The following ZCCHC4 variants were observed in gnomAD, a reference collection of about 807,000 sequenced individuals.
ZCCHC4 encodes rRNA N(6)-adenosine-methyltransferase ZCCHC4.
ZCCHC4 carries 54 observed loss-of-function variants against 67.7 expected under a neutral mutation model. The ratio of observed to expected loss-of-function variants is 0.80; its 90% CI spans 0.64 to 1.00. ZCCHC4 has a LOEUF of 1.00. Among genes scored for constraint, ZCCHC4 ranks in the 50% least tolerant of loss-of-function variants. The pLI, the probability that ZCCHC4 is intolerant of heterozygous loss-of-function variation, is 0.00. For missense variants in ZCCHC4, 609 were observed against 617.0 expected (o/e 0.99, Z 0.14); for synonymous variants, 198 against 213.5 (o/e 0.93, Z 0.63).
intron 10 of ZCCHC4, among the ~76,000 whole-genome samples, chr4:25,362,917 T>C (rs937187078): frequency 1.3e-5 from 2 of 152,150 alleles, no homozygotes; most frequent in African/African-American, 4.8e-5. Flanking sequence ...AGATTCCCCC[T>C]ATGTCCCCTG....
chr4:25,368,935 T>G, intron 12 of ZCCHC4, 94 bp from the exon 13 acceptor site: 2 of 1,394,012 alleles, frequency 1.4e-6, no homozygotes, highest in Non-Finnish European at 1.9e-6. Context: ...CTTCTTCTAT[T>G]TTCTTATTTG....
At chr4:25,318,344 T>G (rs1407128531) in intron 3 of ZCCHC4, among the ~76,000 whole-genome samples, 1 of 127,532 alleles carries the variant, frequency 7.8e-6, no homozygotes, top group Non-Finnish European at 1.6e-5. Flanking sequence ...TTTTTCACTC[T>G]CTCTCTTTTT....
chr4:25,345,995 TGTTCCTGCTG>T (rs1317330639), intron 6 of ZCCHC4, among the ~76,000 whole-genome samples: 2 of 152,196 alleles, frequency 1.3e-5, no homozygotes, highest in African/African-American at 4.8e-5. Flanking sequence ...AGGTCCATGC[TGTTCCTGCTG>T]GTTTCTGCTG....
intron 3 of ZCCHC4, among the ~76,000 whole-genome samples, chr4:25,332,028 C>T (rs187039617): frequency 6.6e-6 from 1 of 152,298 alleles, no homozygotes; most frequent in African/African-American, 2.4e-5. Flanking sequence ...TATGACTAGG[C>T]CACATGTGAT....
chr4:25,353,853 G>A (rs1041262194), intron 8 of ZCCHC4, among the ~76,000 whole-genome samples: 5 of 152,062 alleles, frequency 3.3e-5, no homozygotes, highest in African/African-American at 4.8e-5. Flanking sequence ...TCTTGCTGTC[G>A]GCATTGTCAT....
intron 6 of ZCCHC4, among the ~76,000 whole-genome samples, chr4:25,347,123 C>A (rs1048061840): frequency 1.3e-5 from 2 of 152,086 alleles, no homozygotes; most frequent in African/African-American, 2.4e-5. Flanking sequence ...AGGGCTGTGT[C>A]GTAGTAAATG....
chr4:25,323,642 C>T (rs13128106), intron 3 of ZCCHC4, among the ~76,000 whole-genome samples: 11,761 of 152,194 alleles, frequency 0.077, 495 homozygotes, highest in South Asian at 0.1. Context: ...AAGATGTCAA[C>T]TGGGACTGTC....
In ZCCHC4 at chr4:25,314,180, G is replaced by T; in HGVS notation, c.246+16G>T. On this transcript the variant is annotated intron_variant, in intron 2 of 12. Coordinates refer to ENST00000302874, the MANE Select transcript of ZCCHC4 (RefSeq NM_024936.3). ...AGATGAAAAGGTATATCAACTTTTTGGATATTTATTTTTTATTTTTGGTAT... is the reference window on the plus strand; with the variant it reads ...AGATGAAAAGGTATATCAACTTTTTTGATATTTATTTTTTATTTTTGGTAT... 1 of 1,521,158 alleles carries T rather than the reference G, an allele frequency of 6.6e-7. No individual in the cohort carries two copies. Among genetic ancestry groups the T allele is most frequent in the South Asian group, 1.2e-5 (1 of 84,670 alleles). The allele number at this position is 1,521,158 out of a possible 1,614,324, so 94.2% of individuals were successfully genotyped here.
chr4:25,322,903 G>A (rs1037616634), intron 3 of ZCCHC4, among the ~76,000 whole-genome samples: 1 of 152,164 alleles, frequency 6.6e-6, no homozygotes, highest in Non-Finnish European at 1.5e-5. Context: ...GTAGAATCAA[G>A]TTGTTCTATG....
chr4:25,348,940 G>A (rs1720152774), intron 6 of ZCCHC4, among the ~76,000 whole-genome samples: 1 of 152,164 alleles, frequency 6.6e-6, no homozygotes, highest in African/African-American at 2.4e-5. Flanking sequence ...GACCAGATGC[G>A]CTTTGTCGTT....
At chr4:25,358,683 G>A (rs765860712) in intron 8 of ZCCHC4, among the ~76,000 whole-genome samples, 39 of 152,214 alleles carry the variant, frequency 2.6e-4, no homozygotes, top group Non-Finnish European at 4.0e-4. Flanking sequence ...CTTTCCAGCC[G>A]CAGCATGACT....
At chr4:25,362,611 G>A (rs912133226) in intron 10 of ZCCHC4, among the ~76,000 whole-genome samples, 3 of 152,160 alleles carry the variant, frequency 2.0e-5, no homozygotes, top group Non-Finnish European at 4.4e-5. Context: ...AAATTATGGT[G>A]TTTCAAATAA....
In ZCCHC4 at chr4:25,333,385, C is replaced by A. The variant is rs373321070; in HGVS notation, c.532C>A (p.Arg178=). The A allele has an allele frequency of 2.0e-5, 33 of 1,614,084 alleles. No homozygotes were observed. In the East Asian group the frequency reaches 7.1e-4, roughly 35 times the overall value. The change falls in exon 4 of 13, where the codon CGG becomes AGG. Residue 178 remains arginine (R), a synonymous_variant. Transcript: ENST00000302874. ...KTNAQYLFAD[R]SCQFLVDLLS... is the part of the protein sequence containing the mutation. ...AAATGCCCAGTATCTGTTTGCTGAT[C>A]GGAGCTGTCAGTTCTTGGTAGACTT...
At chr4:25,349,749 G>A in intron 7 of ZCCHC4, 107 bp downstream of exon 7, 1 of 1,183,896 alleles carries the variant, frequency 8.4e-7, no homozygotes. Context: ...TACATGTCTT[G>A]AGTTCTCTTT....
chr4:25,314,030 T>C lies in ZCCHC4; in HGVS notation c.128-16T>C. 6.8e-7 allele frequency: 1 copy of C among 1,474,426 alleles called. No individual in the cohort carries two copies. Among genetic ancestry groups the C allele is most frequent in the Non-Finnish European group, 9.2e-7 (1 of 1,084,564 alleles). 91.3% of individuals were successfully genotyped at this position (1,474,426 alleles called of 1,614,324 possible). ...TTACTTGACACTTTTTTTTTTTTTT[T>C]CTATTCTGGAACTAGGACCCACTCT... On this transcript the variant is annotated splice_polypyrimidine_tract_variant and intron_variant, in intron 1 of 12. Coordinates refer to ENST00000302874, the MANE Select transcript of ZCCHC4 (RefSeq NM_024936.3).
intron 6 of ZCCHC4, among the ~76,000 whole-genome samples, chr4:25,348,659 T>G (rs1223387338): frequency 6.6e-6 from 1 of 152,192 alleles, no homozygotes; most frequent in Non-Finnish European, 1.5e-5. Context: ...ATAGGTTATG[T>G]GCAATACTAC....
intron 2 of ZCCHC4, among the ~76,000 whole-genome samples, chr4:25,314,676 T>C (rs1034340296): frequency 6.6e-6 from 1 of 152,154 alleles, no homozygotes; most frequent in African/African-American, 2.4e-5. Flanking sequence ...GGCTCTACCC[T>C]CTTGACGTAA....
intron 3 of ZCCHC4, among the ~76,000 whole-genome samples, chr4:25,325,764 A>G (rs1386431334): frequency 1.3e-5 from 2 of 152,094 alleles, no homozygotes; most frequent in African/African-American, 4.8e-5. Context: ...ATTTTCTAAT[A>G]TGTTTTCTTT....
At chr4:25,341,797 A>G (rs1372193114) in intron 5 of ZCCHC4, among the ~76,000 whole-genome samples, 1 of 152,188 alleles carries the variant, frequency 6.6e-6, no homozygotes, top group Non-Finnish European at 1.5e-5. Context: ...TGTTAAGTAA[A>G]TTCACGTTGT....
Sources: gnomAD v4.1 joint callset for allele counts (sites outside exome capture counted in the v4.1 genomes callset) on GRCh38, gnomAD v4.1.1 for gene constraint, MANE v1.5 for transcripts, NCBI Gene and HGNC (gene_info 2026-07-23, HGNC 2026-07-21) for gene names.